Variants in CHRM3 observed in about 807,000 individuals in gnomAD.
The protein encoded by CHRM3 is muscarinic acetylcholine receptor M3.
A neutral mutation model predicts 41.8 loss-of-function variants in CHRM3; 11 were observed. That is an observed-to-expected ratio of 0.26 (90% CI 0.17 to 0.44). The LOEUF (loss-of-function observed/expected upper bound fraction) is 0.44, where lower values mean the gene tolerates loss of function less well. Ranked by LOEUF, CHRM3 falls within the 20% of genes least tolerant of loss-of-function variation. CHRM3 has a pLI of 1.00. For missense variants in CHRM3, 571 were observed against 745.4 expected (o/e 0.77, Z 2.72); for synonymous variants, 297 against 301.4 (o/e 0.99, Z 0.15).
chr1:239,494,226 T>C (rs1433198385), intron 2 of CHRM3, among the ~76,000 whole-genome samples: 1 of 152,134 alleles, frequency 6.6e-6, no homozygotes, highest in Non-Finnish European at 1.5e-5. Flanking sequence ...GCCATGATGC[T>C]AGTGGGAATG....
chr1:239,850,114 C>G (rs1167243585), intron 6 of CHRM3, among the ~76,000 whole-genome samples: 1 of 152,018 alleles, frequency 6.6e-6, no homozygotes, highest in African/African-American at 2.4e-5. Context: ...AGGAAGCCTA[C>G]CAGTAACATA....
chr1:239,526,648 T>C (rs1670013726), intron 2 of CHRM3, among the ~76,000 whole-genome samples: 1 of 152,208 alleles, frequency 6.6e-6, no homozygotes, highest in South Asian at 2.1e-4. Flanking sequence ...GTTGATGGTG[T>C]ATTGCATAAG....
intron 4 of CHRM3, among the ~76,000 whole-genome samples, chr1:239,655,008 T>C (rs1218472781): frequency 6.6e-6 from 1 of 152,250 alleles, no homozygotes; most frequent in Non-Finnish European, 1.5e-5. Flanking sequence ...GACGTTGTTC[T>C]TACCAAGTTC....
At chr1:239,827,553 C>T (rs1672553622) in intron 6 of CHRM3, among the ~76,000 whole-genome samples, 175 bp downstream of exon 6, 1 of 152,206 alleles carries the variant, frequency 6.6e-6, no homozygotes, top group South Asian at 2.1e-4. Context: ...ATGATAGTTC[C>T]TACCTACTGC....
chr1:239,410,212 T>C (rs908456967), intron 1 of CHRM3, among the ~76,000 whole-genome samples: 4 of 152,168 alleles, frequency 2.6e-5, no homozygotes, highest in Non-Finnish European at 5.9e-5. Context: ...TTTATCAATT[T>C]ACAGTCCACA....
chr1:239,507,301 G>A (rs527624464), intron 2 of CHRM3, among the ~76,000 whole-genome samples: 14 of 152,246 alleles, frequency 9.2e-5, no homozygotes, highest in African/African-American at 3.1e-4. Context: ...GAATCACTGG[G>A]GGCAGGTCTT....
chr1:239,800,579 G>A (rs1346762315), intron 5 of CHRM3, among the ~76,000 whole-genome samples: 1 of 152,224 alleles, frequency 6.6e-6, no homozygotes. Context: ...GTTGGTCAGA[G>A]TGAAGTCTGA....
At chr1:239,521,547 C>G (rs1212915396) in intron 2 of CHRM3, among the ~76,000 whole-genome samples, 2 of 152,188 alleles carry the variant, frequency 1.3e-5, no homozygotes, top group East Asian at 3.9e-4. Context: ...TTGTTTTTCA[C>G]TAAATATTTC....
chr1:239,792,024 G>A (rs575113075), intron 5 of CHRM3, among the ~76,000 whole-genome samples: 2 of 152,204 alleles, frequency 1.3e-5, no homozygotes, highest in East Asian at 3.8e-4. Context: ...GACGCATTTG[G>A]ACAGGTCAAG....
chr1:239,447,083 G>C (rs1023672993), intron 1 of CHRM3, among the ~76,000 whole-genome samples: 12 of 152,194 alleles, frequency 7.9e-5, no homozygotes, highest in African/African-American at 2.9e-4. Flanking sequence ...TTATTTAACT[G>C]GAATCTAATT....
chr1:239,811,140 T>A (rs1482278533), intron 5 of CHRM3, among the ~76,000 whole-genome samples: 1 of 152,202 alleles, frequency 6.6e-6, no homozygotes, highest in Admixed American at 6.5e-5. Flanking sequence ...TGACTCAAAA[T>A]CCCAATAGCA....
intron 5 of CHRM3, among the ~76,000 whole-genome samples, chr1:239,708,213 A>G (rs1301939828): frequency 1.3e-5 from 2 of 152,190 alleles, no homozygotes; most frequent in Non-Finnish European, 2.9e-5. Flanking sequence ...TCAGGCCAAA[A>G]CCTTGGAGCC....
chr1:239,550,096 C>A (rs1335668736), intron 3 of CHRM3, among the ~76,000 whole-genome samples: 1 of 151,976 alleles, frequency 6.6e-6, no homozygotes, highest in African/African-American at 2.4e-5. Context: ...GGCTGCCAAT[C>A]TCCTCTGCCT....
chr1:239,891,739 A>T (rs1488334944), intron 6 of CHRM3, among the ~76,000 whole-genome samples: 1 of 152,170 alleles, frequency 6.6e-6, no homozygotes, highest in Non-Finnish European at 1.5e-5. Flanking sequence ...GAAGCAGAGG[A>T]CACGAAAACC....
At chr1:239,395,139 G>A (rs1048788973) in intron 1 of CHRM3, among the ~76,000 whole-genome samples, 2 of 152,030 alleles carry the variant, frequency 1.3e-5, no homozygotes, top group Non-Finnish European at 2.9e-5. Context: ...TCTCTCCTCT[G>A]GTTCTTTTCT....
chr1:239,578,908 C>A (rs1439630620), intron 3 of CHRM3, among the ~76,000 whole-genome samples: 3 of 152,160 alleles, frequency 2.0e-5, no homozygotes, highest in Admixed American at 1.3e-4. Flanking sequence ...TCATCTGCAC[C>A]ATTGCCCAAG....
chr1:239,454,655 G>A (rs1664791186), intron 1 of CHRM3, among the ~76,000 whole-genome samples: 1 of 152,090 alleles, frequency 6.6e-6, no homozygotes, highest in Non-Finnish European at 1.5e-5. Context: ...AAGGCTCCCT[G>A]ACCCTAAAGC....
intron 2 of CHRM3, among the ~76,000 whole-genome samples, chr1:239,521,988 G>A (rs1323795193): frequency 6.6e-6 from 1 of 152,132 alleles, no homozygotes; most frequent in Non-Finnish European, 1.5e-5. Flanking sequence ...TGGAACCAAT[G>A]CCCCAAGGAT....
Position 239,810,424 on chromosome 1 carries a change from C to A in CHRM3, c.-146-16828C>A, listed in dbSNP as rs1247438746. 3.9e-5 allele frequency among the ~76,000 whole-genome samples: 6 copies of A among 152,190 alleles called. No homozygotes were observed. In the South Asian group the frequency reaches 1.2e-3, roughly 32 times the overall value. On this transcript the variant is annotated intron_variant, in intron 5 of 6. Coordinates refer to ENST00000676153, the MANE Select transcript of CHRM3 (RefSeq NM_001375978.1). ...CTTGTCTTCTCAGGGATGAGGATAG[C>A]CAGGCCAGCAAGGGGAGTGTTACTT...
Sources: allele counts gnomAD v4.1 joint callset (sites outside exome capture counted in the v4.1 genomes callset), GRCh38; gene constraint gnomAD v4.1.1; transcripts MANE v1.5; gene names NCBI Gene and HGNC (gene_info 2026-07-23, HGNC 2026-07-21).